PRICKLE1: variants seen among roughly 807,000 people sequenced by gnomAD.
PRICKLE1 encodes the protein prickle planar cell polarity protein 1.
Under a neutral mutation model 70.2 loss-of-function variants are expected in PRICKLE1, and 14 were observed. That is an observed-to-expected ratio of 0.20 (90% CI 0.13 to 0.31). PRICKLE1 has a LOEUF of 0.31. PRICKLE1 is among the 10% of genes least tolerant of loss of function. The pLI is 1.00. For missense variants in PRICKLE1, 821 were observed against 1,026.2 expected (o/e 0.80, Z 2.73); for synonymous variants, 357 against 379.9 (o/e 0.94, Z 0.70).
intron 1 of PRICKLE1, among the ~76,000 whole-genome samples, chr12:42,559,041 AAGG>A (rs1222851888): frequency 2.6e-5 from 4 of 152,192 alleles, no homozygotes; most frequent in African/African-American, 9.7e-5. Flanking sequence ...TTGGATTACT[AAGG>A]AGTTCGAAAA....
chr12:42,469,953 G>A (rs1335630251), intron 3 of PRICKLE1: 9 of 494,316 alleles, frequency 1.8e-5, no homozygotes, highest in South Asian at 8.4e-5. Flanking sequence ...TGACCATAAA[G>A]CATTCACTCT....
At chr12:42,533,738 A>G (rs1208653313) in intron 1 of PRICKLE1, among the ~76,000 whole-genome samples, 1 of 152,208 alleles carries the variant, frequency 6.6e-6, no homozygotes, top group Non-Finnish European at 1.5e-5. Flanking sequence ...CTAAATATAG[A>G]CTAAATTTAC....
At chr12:42,491,085 G>A (rs1356532672) in intron 1 of PRICKLE1, among the ~76,000 whole-genome samples, 1 of 151,036 alleles carries the variant, frequency 6.6e-6, no homozygotes, top group Non-Finnish European at 1.5e-5. Context: ...ATGTTGGCCA[G>A]GCTGGTCTCG....
intron 1 of PRICKLE1, among the ~76,000 whole-genome samples, chr12:42,543,499 T>C (rs532714933): frequency 6.6e-6 from 1 of 152,048 alleles, no homozygotes; most frequent in East Asian, 1.9e-4. Context: ...CATCCAGCTC[T>C]ACATGGAACT....
At chr12:42,540,894 T>C (rs961255026) in intron 1 of PRICKLE1, among the ~76,000 whole-genome samples, 1 of 152,162 alleles carries the variant, frequency 6.6e-6, no homozygotes, top group African/African-American at 2.4e-5. Context: ...CAAGCCTCCT[T>C]ACTCCTTAAG....
intron 1 of PRICKLE1, among the ~76,000 whole-genome samples, chr12:42,577,768 A>G (rs528700163): frequency 6.6e-6 from 1 of 152,348 alleles, no homozygotes; most frequent in East Asian, 1.9e-4. Flanking sequence ...ATGTAAAAGC[A>G]TTTAATATAG....
At chr12:42,467,941 G>C (rs1001406687) in intron 5 of PRICKLE1, among the ~76,000 whole-genome samples, 11 of 152,320 alleles carry the variant, frequency 7.2e-5, no homozygotes, top group Admixed American at 4.6e-4. Flanking sequence ...AGGAGCATCT[G>C]TTAAAACACT....
At chr12:42,560,606 G>C (rs1940495251) in intron 1 of PRICKLE1, among the ~76,000 whole-genome samples, 3 of 152,078 alleles carry the variant, frequency 2.0e-5, no homozygotes, top group Admixed American at 2.0e-4. Context: ...GGACTAGGCA[G>C]GTATTTACTT....
chr12:42,570,778 C>A (rs1326602499), intron 1 of PRICKLE1, among the ~76,000 whole-genome samples: 1 of 152,134 alleles, frequency 6.6e-6, no homozygotes, highest in African/African-American at 2.4e-5. Context: ...CGAGATTGTA[C>A]CACTGCACTC....
In PRICKLE1 at chr12:42,545,674, C is replaced by T. The variant is rs967551052; in HGVS notation, c.-49+43791G>A. Among the ~76,000 whole-genome samples, 4 of 151,998 alleles carry T rather than the reference C, an allele frequency of 2.6e-5. No homozygotes were observed. In the South Asian group the frequency reaches 6.2e-4, roughly 24 times the overall value. On this transcript the variant is annotated intron_variant, in intron 1 of 7. Coordinates refer to ENST00000345127, the MANE Select transcript of PRICKLE1 (RefSeq NM_153026.3). ...GACCAGCCTGGCCAAAATGGTGAAA[C>T]TCTATCTCTACTAAAAATAAAATAA...
chr12:42,467,530 C>T (rs960018616), intron 5 of PRICKLE1, among the ~76,000 whole-genome samples: 1 of 151,654 alleles, frequency 6.6e-6, no homozygotes, highest in African/African-American at 2.4e-5. Flanking sequence ...CTCTTGGGGT[C>T]AGGAATTCGA....
intron 1 of PRICKLE1, among the ~76,000 whole-genome samples, chr12:42,498,227 C>A (rs1224932692): frequency 6.7e-6 from 1 of 148,970 alleles, no homozygotes; most frequent in Non-Finnish European, 1.5e-5. Context: ...GGCTAGAATG[C>A]GGTGGTGCGA....
Position 42,572,367 on chromosome 12 carries a change from T to C in PRICKLE1, c.-49+17098A>G, listed in dbSNP as rs1333938088. 2.6e-5 allele frequency among the ~76,000 whole-genome samples: 4 copies of C among 151,328 alleles called. No individual in the cohort carries two copies. The South Asian group carries it at 6.2e-4, about 24-fold the overall frequency. Reference sequence around the variant, plus strand: ...AGGAGAATCACTTGAACCCAGGAGTTGGAGGTTGCAGTGAGCCGAGATTGT... The same window carrying C: ...AGGAGAATCACTTGAACCCAGGAGTCGGAGGTTGCAGTGAGCCGAGATTGT... On this transcript the variant is annotated intron_variant, in intron 1 of 7. Transcript: ENST00000345127.
At chr12:42,474,753 C>A (rs1938458188) in intron 1 of PRICKLE1, among the ~76,000 whole-genome samples, 1 of 152,170 alleles carries the variant, frequency 6.6e-6, no homozygotes, top group African/African-American at 2.4e-5. Flanking sequence ...AGAATGAGTG[C>A]CTTCAATGAA....
At chr12:42,500,866 A>G (rs1939294339) in intron 1 of PRICKLE1, among the ~76,000 whole-genome samples, 1 of 152,212 alleles carries the variant, frequency 6.6e-6, no homozygotes, top group Non-Finnish European at 1.5e-5. Context: ...TCTGCTGAAG[A>G]CCAAACATTT....
chr12:42,530,123 T>C (rs1442446633), intron 1 of PRICKLE1, among the ~76,000 whole-genome samples: 1 of 152,058 alleles, frequency 6.6e-6, no homozygotes, highest in Non-Finnish European at 1.5e-5. Context: ...TTTGTATTTT[T>C]AGTACAGACG....
intron 1 of PRICKLE1, among the ~76,000 whole-genome samples, chr12:42,486,228 T>C (rs1395444617): frequency 2.6e-5 from 4 of 152,240 alleles, no homozygotes; most frequent in African/African-American, 9.6e-5. Flanking sequence ...TTTGCAATAT[T>C]TGTCTGCAAA....
intron 1 of PRICKLE1, among the ~76,000 whole-genome samples, chr12:42,478,965 T>C (rs1938686486): frequency 1.3e-5 from 2 of 152,204 alleles, no homozygotes; most frequent in Non-Finnish European, 2.9e-5. Flanking sequence ...GGGAATGGAA[T>C]CTGATGCTCT....
At chr12:42,470,874 C>A (rs1938294469) in intron 2 of PRICKLE1, among the ~76,000 whole-genome samples, 1 of 151,668 alleles carries the variant, frequency 6.6e-6, no homozygotes, top group Non-Finnish European at 1.5e-5. Flanking sequence ...CCACTGCACT[C>A]CAGCCTGAGT....
Sources: gnomAD v4.1 joint callset for allele counts (sites outside exome capture counted in the v4.1 genomes callset) on GRCh38, gnomAD v4.1.1 for gene constraint, MANE v1.5 for transcripts, NCBI Gene and HGNC (gene_info 2026-07-23, HGNC 2026-07-21) for gene names.